Variants in SHROOM3 observed in about 807,000 individuals in gnomAD.
SHROOM3 encodes the protein protein Shroom3.
Under a neutral mutation model 138.6 loss-of-function variants are expected in SHROOM3, and 47 were observed. The ratio of observed to expected loss-of-function variants is 0.34; its 90% CI spans 0.27 to 0.43. SHROOM3 has a LOEUF of 0.43. Ranked by LOEUF, SHROOM3 falls within the 20% of genes least tolerant of loss-of-function variation. The pLI, the probability that SHROOM3 is intolerant of heterozygous loss-of-function variation, is 1.00. For missense variants in SHROOM3, 2,491 were observed against 2,596.5 expected, an observed-to-expected ratio of 0.96 and a Z score of 0.88; for synonymous variants, 1,062 against 1,063.3, an observed-to-expected ratio of 1.00 and a Z score of 0.02.
chr4:76,554,960 T>C (rs941210422), intron 1 of SHROOM3, among the ~76,000 whole-genome samples: 3 of 151,638 alleles, frequency 2.0e-5, no homozygotes, highest in African/African-American at 7.3e-5. Context: ...GCGAGGGATC[T>C]AGGTAGCACA....
chr4:76,717,392 TG>T (rs1261031912), intron 3 of SHROOM3, among the ~76,000 whole-genome samples: 2 of 152,210 alleles, frequency 1.3e-5, no homozygotes, highest in Non-Finnish European at 2.9e-5. Context: ...GACATTAATC[TG>T]GGGAGATTCT....
At chr4:76,746,948 C>T (rs1285974824) in intron 5 of SHROOM3, among the ~76,000 whole-genome samples, 1 of 151,878 alleles carries the variant, frequency 6.6e-6, no homozygotes, top group Admixed American at 6.6e-5. Context: ...TCCTGAGTAG[C>T]TCGGACTACA....
chr4:76,492,607 T>A (rs935386383), intron 1 of SHROOM3, among the ~76,000 whole-genome samples: 2 of 152,222 alleles, frequency 1.3e-5, no homozygotes, highest in Admixed American at 6.5e-5. Flanking sequence ...AAAAACCCTA[T>A]GCTACATAGA....
At chr4:76,742,058 A>T in intron 5 of SHROOM3, 132 bp downstream of exon 5, 3 of 1,216,412 alleles carry the variant, frequency 2.5e-6, no homozygotes, top group South Asian at 2.6e-5. Flanking sequence ...GAAAAGTAGC[A>T]TTTGTTTTCA....
At chr4:76,699,832 C>G (rs1719854654) in intron 2 of SHROOM3, among the ~76,000 whole-genome samples, 1 of 152,086 alleles carries the variant, frequency 6.6e-6, no homozygotes, top group Non-Finnish European at 1.5e-5. Flanking sequence ...CTATGTGACC[C>G]CAGCTTTACC....
intron 2 of SHROOM3, among the ~76,000 whole-genome samples, chr4:76,557,733 A>T (rs1442553281): frequency 3.3e-5 from 5 of 152,180 alleles, no homozygotes; most frequent in African/African-American, 1.2e-4. Flanking sequence ...AATATATGCA[A>T]TTTTTGGCAA....
chr4:76,693,483 A>G (rs1371654488), intron 2 of SHROOM3, among the ~76,000 whole-genome samples: 1 of 147,870 alleles, frequency 6.8e-6, no homozygotes. Context: ...TCCCGGGTTC[A>G]AGCGATTCTC....
At chr4:76,717,512 G>A (rs1326616575) in intron 3 of SHROOM3, among the ~76,000 whole-genome samples, 1 of 151,882 alleles carries the variant, frequency 6.6e-6, no homozygotes, top group Non-Finnish European at 1.5e-5. Flanking sequence ...CTCAGTTCTT[G>A]GATATTCTGT....
intron 8 of SHROOM3, among the ~76,000 whole-genome samples, chr4:76,758,811 C>G (rs976339179): frequency 6.6e-6 from 1 of 152,102 alleles, no homozygotes; most frequent in Admixed American, 6.5e-5. Flanking sequence ...CCAAGAGAAT[C>G]GTACTTCCAT....
chr4:76,479,606 A>G (rs1219426335), intron 1 of SHROOM3, among the ~76,000 whole-genome samples: 1 of 152,194 alleles, frequency 6.6e-6, no homozygotes, highest in African/African-American at 2.4e-5. Context: ...ACAGGCCAAC[A>G]TTCAAATTCA....
intron 2 of SHROOM3, among the ~76,000 whole-genome samples, chr4:76,667,535 A>C (rs1196148394): frequency 6.6e-6 from 1 of 151,990 alleles, no homozygotes; most frequent in African/African-American, 2.4e-5. Context: ...GCTGGTCTTC[A>C]ACTCATGGGC....
At chr4:76,647,593 C>A (rs1212683459) in intron 2 of SHROOM3, among the ~76,000 whole-genome samples, 11 of 152,036 alleles carry the variant, frequency 7.2e-5, no homozygotes, top group Admixed American at 3.3e-4. Context: ...ATTTATTTTT[C>A]TTCAAACAAT....
chr4:76,747,510 G>A (rs1032201065), intron 5 of SHROOM3, among the ~76,000 whole-genome samples: 1 of 152,080 alleles, frequency 6.6e-6, no homozygotes, highest in Non-Finnish European at 1.5e-5. Flanking sequence ...GTTTAAGCTC[G>A]ATATTCTAGG....
chr4:76,579,763 C>G (rs562849162), intron 2 of SHROOM3, among the ~76,000 whole-genome samples: 1 of 152,362 alleles, frequency 6.6e-6, no homozygotes, highest in South Asian at 2.1e-4. Context: ...AGCCTTGTAA[C>G]ACAAACACTG....
chr4:76,774,136 G>A (rs989103283), intron 10 of SHROOM3, among the ~76,000 whole-genome samples: 1 of 152,078 alleles, frequency 6.6e-6, no homozygotes, highest in Non-Finnish European at 1.5e-5. Context: ...TGAGGGGAAG[G>A]GTAGAGCAGA....
chr4:76,592,442 A>T (rs935935468), intron 2 of SHROOM3, among the ~76,000 whole-genome samples: 1 of 152,190 alleles, frequency 6.6e-6, no homozygotes, highest in South Asian at 2.1e-4. Flanking sequence ...TTACCACTAC[A>T]TAGTCTAGGA....
At chr4:76,652,680 C>A (rs1482317450) in intron 2 of SHROOM3, among the ~76,000 whole-genome samples, 1 of 151,914 alleles carries the variant, frequency 6.6e-6, no homozygotes, top group African/African-American at 2.4e-5. Flanking sequence ...GGAGACCAGG[C>A]CTTCCTGGAG....
At chr4:76,495,578 A>G (rs1731948109) in intron 1 of SHROOM3, among the ~76,000 whole-genome samples, 1 of 152,150 alleles carries the variant, frequency 6.6e-6, no homozygotes, top group South Asian at 2.1e-4. Context: ...CCCTCAGTAC[A>G]TCGCTTGTAA....
chr4:76,534,517 T>C lies in SHROOM3; in HGVS notation c.169-21092T>C, dbSNP rs564351623. On this transcript the variant is annotated intron_variant, in intron 1 of 10. Coordinates refer to ENST00000296043, the MANE Select transcript of SHROOM3 (RefSeq NM_020859.4). The stretch of plus-strand genomic sequence containing the variant: ...GCTCGATATATATTTATTGTTGTCA[T>C]TGACCATTAAACATACAAAAAAAGT... Among the ~76,000 whole-genome samples the C allele has an allele frequency of 1.3e-3, 159 of 120,206 alleles. 1 individual carries two copies. The highest frequency in any genetic ancestry group is 1.5e-3 in the Admixed American group (15 of 10,296). The allele number at this position is 120,206 out of a possible 152,430, so 78.9% of individuals were successfully genotyped here.
Sources: gnomAD v4.1 joint callset for allele counts (sites outside exome capture counted in the v4.1 genomes callset) on GRCh38, gnomAD v4.1.1 for gene constraint, MANE v1.5 for transcripts, NCBI Gene and HGNC (gene_info 2026-07-23, HGNC 2026-07-21) for gene names.